Variants in HYAL4 observed in about 807,000 individuals in gnomAD.
HYAL4 encodes hyaluronidase-4.
A neutral mutation model predicts 35.2 loss-of-function variants in HYAL4; 37 were observed. The ratio of observed to expected loss-of-function variants is 1.05; its 90% confidence interval spans 0.81 to 1.38. HYAL4 has a LOEUF of 1.38. HYAL4 is among the 40% of genes most tolerant of loss of function. HYAL4 has a pLI of 0.00. For missense variants in HYAL4, 572 were observed against 572.4 expected (o/e 1.00, Z 0.01); for synonymous variants, 198 against 203.2 (o/e 0.97, Z 0.22).
chr7:123,870,658 A>G (rs556933047), intron 3 of HYAL4, among the ~76,000 whole-genome samples: 1 of 151,858 alleles, frequency 6.6e-6, no homozygotes, highest in East Asian at 2.0e-4. Context: ...GCTACTCAGG[A>G]GTCTGAGAAG....
At chr7:123,770,189 T>TA in the HYAL4 span, among the ~76,000 whole-genome samples, 82 of 148,294 alleles carry the variant, frequency 5.5e-4, no homozygotes, top group African/African-American at 1.1e-3. Flanking sequence ...AAGTGGGCTA[T>TA]AAAAAAAAAA....
intron 1 of HYAL4, among the ~76,000 whole-genome samples, chr7:123,834,507 G>A (rs1805931793): frequency 6.6e-6 from 1 of 152,014 alleles, no homozygotes; most frequent in South Asian, 2.1e-4. Flanking sequence ...GGGTTTTCTA[G>A]GCATGCAGTC....
chr7:123,773,446 A>G, the HYAL4 span, among the ~76,000 whole-genome samples: 1 of 152,170 alleles, frequency 6.6e-6, no homozygotes, highest in African/African-American at 2.4e-5. Flanking sequence ...GCTACCTGAA[A>G]TTACATTATT....
At chr7:123,812,361 C>CAGTA in the HYAL4 span, among the ~76,000 whole-genome samples, 3,920 of 147,134 alleles carry the variant, frequency 0.027, 168 homozygotes, top group African/African-American at 0.091. Context: ...AATAAAATCT[C>CAGTA]AGCAGCATGT....
the HYAL4 span, among the ~76,000 whole-genome samples, chr7:123,782,311 A>G: frequency 2.6e-5 from 4 of 152,136 alleles, no homozygotes; most frequent in South Asian, 2.1e-4. Context: ...CAACCATACA[A>G]CCTTATCACT....
intron 1 of HYAL4, among the ~76,000 whole-genome samples, chr7:123,835,112 G>C (rs1337801320): frequency 6.6e-6 from 1 of 151,978 alleles, no homozygotes; most frequent in Non-Finnish European, 1.5e-5. Flanking sequence ...GATTTAGGGA[G>C]GAATCTCTCT....
At chr7:123,820,089 C>A in the HYAL4 span, among the ~76,000 whole-genome samples, 1 of 151,434 alleles carries the variant, frequency 6.6e-6, no homozygotes, top group Non-Finnish European at 1.5e-5. Flanking sequence ...GACAGGGTTT[C>A]GTTATGTTGG....
At chr7:123,862,583 C>CT (rs1343082165) in intron 2 of HYAL4, among the ~76,000 whole-genome samples, 2 of 152,154 alleles carry the variant, frequency 1.3e-5, no homozygotes, top group African/African-American at 4.8e-5. Flanking sequence ...AGAACAGGCA[C>CT]TTAGAGTTGC....
At chr7:123,863,015 CT>C (rs2116947957) in intron 2 of HYAL4, among the ~76,000 whole-genome samples, 1 of 152,330 alleles carries the variant, frequency 6.6e-6, no homozygotes, top group Admixed American at 6.5e-5. Flanking sequence ...TTTGCACCTG[CT>C]TTCCCTCATA....
At chr7:123,769,834 A>AC in the HYAL4 span, among the ~76,000 whole-genome samples, 1 of 151,888 alleles carries the variant, frequency 6.6e-6, no homozygotes, top group Non-Finnish European at 1.5e-5. Flanking sequence ...AAAAAAAAAA[A>AC]AACACCGTTA....
At chr7:123,799,142 A>T in the HYAL4 span, among the ~76,000 whole-genome samples, 2 of 152,186 alleles carry the variant, frequency 1.3e-5, no homozygotes, top group East Asian at 1.9e-4. Context: ...CAGTAGACTC[A>T]TTACAAACTC....
intron 2 of HYAL4, among the ~76,000 whole-genome samples, chr7:123,866,431 G>A (rs1806688098): frequency 6.6e-6 from 1 of 152,146 alleles, no homozygotes. Context: ...AAACCTGCAA[G>A]GAAGGCTGGG....
chr7:123,876,802 T>TA lies in HYAL4; in HGVS notation c.1094dup (p.Tyr365Ter). 6.2e-7 allele frequency: 1 copy of TA among 1,614,184 alleles called. No homozygotes were observed. Among genetic ancestry groups the TA allele is most frequent in the Non-Finnish European group, 8.5e-7 (1 of 1,180,014 alleles). Residue 365 changes from tyrosine to a stop codon, truncating the protein, a stop_gained and frameshift_variant, in exon 5 of 5, where the codon TAC becomes TAAC. Transcript: ENST00000223026. LOFTEE classifies it low-confidence loss of function (END_TRUNC). ...KQFVSSDLGS[Y>*]IANVTRAAEV... ...GTTTGTGAGTTCTGATTTAGGGAGC[T>TA]ACATAGCCAATGTGACCAGAGCTGC...
Position 123,869,164 on chromosome 7 carries a change from T to C in HYAL4, c.891T>C (p.Ala297=). The C allele has an allele frequency of 6.2e-7, 1 of 1,614,128 alleles. No individual in the cohort carries two copies. The highest frequency in any genetic ancestry group is 8.5e-7 in the Non-Finnish European group (1 of 1,180,014). Residue 297 remains alanine (A), a synonymous_variant, in exon 3 of 5, where the codon GCT becomes GCC. Coordinates refer to ENST00000223026, the MANE Select transcript of HYAL4 (RefSeq NM_012269.3). Reference sequence around the variant, plus strand: ...CCACCATGACATCTCATGATTATGCTCTGCCTGTATTTGTCTACACAAGGC... The same window carrying C: ...CCACCATGACATCTCATGATTATGCCCTGCCTGTATTTGTCTACACAAGGC... ...RISTMTSHDY[A]LPVFVYTRLG...
At chr7:123,770,660 G>A in the HYAL4 span, among the ~76,000 whole-genome samples, 1 of 151,976 alleles carries the variant, frequency 6.6e-6, no homozygotes, top group Non-Finnish European at 1.5e-5. Flanking sequence ...ATGGAGAGGA[G>A]TGTTGAGAAA....
At chr7:123,858,012 C>T (rs935382579) in intron 2 of HYAL4, among the ~76,000 whole-genome samples, 10 of 151,952 alleles carry the variant, frequency 6.6e-5, no homozygotes, top group Non-Finnish European at 1.2e-4. Flanking sequence ...GCCTGGGCAA[C>T]ATGGTAAAAC....
At chr7:123,768,569 C>A in the HYAL4 span, among the ~76,000 whole-genome samples, 1 of 152,126 alleles carries the variant, frequency 6.6e-6, no homozygotes, top group Non-Finnish European at 1.5e-5. Context: ...TAAGGTAGGC[C>A]GATTCATCAG....
the HYAL4 span, among the ~76,000 whole-genome samples, chr7:123,818,060 A>G: frequency 1.3e-5 from 2 of 151,938 alleles, no homozygotes; most frequent in Non-Finnish European, 2.9e-5. Flanking sequence ...TATTTTTAGT[A>G]GAGATAGGGT....
intron 1 of HYAL4, among the ~76,000 whole-genome samples, chr7:123,838,681 T>A (rs918415766): frequency 1.6e-4 from 25 of 152,286 alleles, no homozygotes; most frequent in African/African-American, 6.0e-4. Flanking sequence ...GATGTTCAGG[T>A]CTCTAGCAAG....
Sources: allele counts gnomAD v4.1 joint callset (sites outside exome capture counted in the v4.1 genomes callset), GRCh38; gene constraint gnomAD v4.1.1; transcripts MANE v1.5; gene names NCBI Gene and HGNC (gene_info 2026-07-23, HGNC 2026-07-21).